MYBPC2: variants seen among roughly 807,000 people sequenced by gnomAD.
MYBPC2 encodes the protein myosin binding protein C2.
MYBPC2 carries 122 observed loss-of-function variants against 137.0 expected under a neutral mutation model. The ratio of observed to expected loss-of-function variants is 0.89; its 90% CI spans 0.77 to 1.03. The LOEUF (loss-of-function observed/expected upper bound fraction) is 1.03. MYBPC2 is among the 50% of genes least tolerant of loss of function. The pLI, the probability that MYBPC2 is intolerant of heterozygous loss-of-function variation, is 0.00. For missense variants in MYBPC2, 1,500 were observed against 1,534.4 expected (o/e 0.98, Z 0.37); for synonymous variants, 626 against 612.3 (o/e 1.02, Z -0.33).
In MYBPC2 at chr19:50,450,896, G is replaced by C; in HGVS notation, c.1540G>C (p.Gly514Arg). The C allele has an allele frequency of 6.3e-7, 1 of 1,577,930 alleles. No individual in the cohort carries two copies. The highest frequency in any genetic ancestry group is 8.6e-7 in the Non-Finnish European group (1 of 1,162,270). The change falls in exon 14 of 28, where the codon GGC becomes CGC. Residue 514 changes from glycine (G) to arginine (R), a missense_variant. Gly to Arg is a moderately radical substitution (Grantham distance 125). Coordinates refer to ENST00000357701, the MANE Select transcript of MYBPC2 (RefSeq NM_004533.4). The stretch of plus-strand genomic sequence containing the variant: ...GGGAGACTACACGTTTGTGCCTGAC[G>C]GCTACGCCCTGTCGCTCTCGGCCAA... ...DEGDYTFVPD[G>R]YALSLSAKLN...
At position 50,446,043 on chromosome 19, in the gene MYBPC2, A is replaced by C; in HGVS notation, c.1297A>C (p.Ile433Leu). 6.2e-7 allele frequency: 1 copy of C among 1,612,802 alleles called. No homozygotes were observed. The highest frequency in any genetic ancestry group is 2.2e-5 in the East Asian group (1 of 44,854). Residue 433 changes from isoleucine (I) to leucine (L), a missense_variant, in exon 12 of 28, where the codon ATT becomes CTT. Physicochemically the swap from Ile to Leu is conservative, Grantham distance 5. Coordinates refer to ENST00000357701, the MANE Select transcript of MYBPC2 (RefSeq NM_004533.4). ...TNGGQCEAELIVEEKQLEVLQ... is the reference protein window; with the variant it reads ...TNGGQCEAELLVEEKQLEVLQ... ...TGGCGGCCAGTGTGAGGCCGAGCTG[A>C]TTGTGGAAGGTATGGGGCCTCCAGG...
intron 12 of MYBPC2, among the ~76,000 whole-genome samples, chr19:50,447,147 G>A (rs1224018726): frequency 6.6e-6 from 1 of 151,886 alleles, no homozygotes; most frequent in Non-Finnish European, 1.5e-5. Flanking sequence ...CCCAGTACCC[G>A]CCAGAGTGAG....
At position 50,458,947 on chromosome 19, in the gene MYBPC2, C is replaced by T. The variant is rs1304563377; in HGVS notation, c.2536C>T (p.Leu846Phe). Residue 846 changes from leucine (L) to phenylalanine (F), a missense_variant, in exon 22 of 28, where the codon CTC becomes TTC. Leu to Phe is a conservative substitution (Grantham distance 22). Transcript: ENST00000357701. ...ACCCAAGATCCGGCTTCCCCGCCATCTCCGCCAGACCTACATCCGCAAAGT... is the reference window on the plus strand; with the variant it reads ...ACCCAAGATCCGGCTTCCCCGCCATTTCCGCCAGACCTACATCCGCAAAGT... ...EPPKIRLPRHLRQTYIRKVGE... is the reference protein window; with the variant it reads ...EPPKIRLPRHFRQTYIRKVGE... The T allele has an allele frequency of 1.4e-5, 23 of 1,612,784 alleles. No individual in the cohort carries two copies. The highest frequency in any genetic ancestry group is 1.9e-5 in the Non-Finnish European group (23 of 1,179,594).
intron 12 of MYBPC2, among the ~76,000 whole-genome samples, chr19:50,447,027 C>T (rs1050020723): frequency 9.9e-5 from 15 of 151,896 alleles, no homozygotes; most frequent in Admixed American, 3.3e-4. Context: ...CCACAGCCCC[C>T]CTGTTGCTGC....
intron 7 of MYBPC2, among the ~76,000 whole-genome samples, chr19:50,439,836 G>T (rs2039735119): frequency 6.6e-6 from 1 of 152,246 alleles, no homozygotes; most frequent in South Asian, 2.1e-4. Context: ...GCCTGTGAGA[G>T]CCCAGAGCAC....
Position 50,436,609 on chromosome 19 carries a change from G to T in MYBPC2, c.346-8G>T. 6.2e-7 allele frequency: 1 copy of T among 1,613,008 alleles called. No individual in the cohort carries two copies. Among genetic ancestry groups the T allele is most frequent in the South Asian group, 1.1e-5 (1 of 91,038 alleles). ...CCCGTGCACCCACACCCCCGGCCCTGGACCCAGGTGTACACCGTGGAGCTG... is the reference window on the plus strand; with the variant it reads ...CCCGTGCACCCACACCCCCGGCCCTTGACCCAGGTGTACACCGTGGAGCTG... On this transcript the variant is annotated splice_polypyrimidine_tract_variant and splice_region_variant and intron_variant, in intron 4 of 27. Coordinates refer to ENST00000357701, the MANE Select transcript of MYBPC2 (RefSeq NM_004533.4).
In MYBPC2 at chr19:50,454,247, C is replaced by T; in HGVS notation, c.1910-18C>T. 1 of 1,613,852 alleles carries T rather than the reference C, an allele frequency of 6.2e-7. No individual in the cohort carries two copies. Among genetic ancestry groups the T allele is most frequent in the African/African-American group, 1.3e-5 (1 of 75,018 alleles). On this transcript the variant is annotated intron_variant, in intron 17 of 27. Transcript: ENST00000357701. ...CCTGAGGCCTCGAGGGGCCACCTGA[C>T]TCTCCTGCCCCCTGCAGATGTCCCA... is the stretch of plus-strand genomic sequence containing the variant.
In MYBPC2 at chr19:50,435,221, C is replaced by T. The variant is rs780444483; in HGVS notation, c.80C>T (p.Pro27Leu). ...AAAGGAGCCCCCAAGGAGGCTCCCCCTAAGGAGGCTCCTGCAGAGGCCCCC... is the reference window on the plus strand; with the variant it reads ...AAAGGAGCCCCCAAGGAGGCTCCCCTTAAGGAGGCTCCTGCAGAGGCCCCC... ...APKGAPKEAP[P>L]KEAPAEAPKE... Residue 27 changes from proline to leucine, a missense_variant, in exon 2 of 28, where the codon CCT (proline) becomes CTT (leucine). By Grantham distance (98) the Pro-to-Leu change is moderately conservative. Transcript: ENST00000357701. This position sits in a 1 kb window ranked among gnomAD's most constrained non-coding sequence, Gnocchi z 4.8. 2.9e-5 allele frequency: 37 copies of T among 1,292,652 alleles called. 1 individual carries two copies. The African/African-American group carries it at 4.7e-4, about 16-fold the overall frequency. 80.1% of individuals were successfully genotyped at this position (1,292,652 alleles called of 1,614,324 possible). A position where few individuals can be genotyped will look rare whatever the true frequency, so the allele number is the denominator to read the frequency against.
Position 50,436,036 on chromosome 19 carries a change from A to G in MYBPC2, c.221A>G (p.Lys74Arg). The part of the protein sequence containing the change: ...ETGKDAVVVA[K>R]VNGKELPDKP... ...GGGAAGGACGCAGTGGTCGTGGCCA[A>G]GGTGAACGGGAAGGAGCTCCCAGAC... is the stretch of plus-strand genomic sequence containing the variant. The change falls in exon 4 of 28, where the codon AAG becomes AGG. Residue 74 changes from lysine to arginine, a missense_variant. Physicochemically the swap from Lys to Arg is conservative, Grantham distance 26. Coordinates refer to ENST00000357701, the MANE Select transcript of MYBPC2 (RefSeq NM_004533.4). 3 of 1,583,706 alleles carry G rather than the reference A, an allele frequency of 1.9e-6. No homozygotes were observed. The highest frequency in any genetic ancestry group is 2.6e-6 in the Non-Finnish European group (3 of 1,164,806).
Position 50,460,155 on chromosome 19 carries a change from C to T in MYBPC2, c.2907C>T (p.Val969=). ...DGNSEIMGYF[V]QKADKKTMEW... The stretch of plus-strand genomic sequence containing the variant: ...ACAGTGAGATCATGGGGTATTTCGT[C>T]CAGAAAGCAGACAAAAAAACCATGG... The change falls in exon 24 of 28, where the codon GTC becomes GTT. Residue 969 remains valine, a synonymous_variant. Transcript: ENST00000357701. 1 of 1,600,134 alleles carries T rather than the reference C, an allele frequency of 6.2e-7. No homozygotes were observed.
At chr19:50,437,823 C>A in intron 7 of MYBPC2, 105 bp downstream of exon 7, 1 of 1,248,336 alleles carries the variant, frequency 8.0e-7, no homozygotes, top group Non-Finnish European at 1.1e-6. Flanking sequence ...ACTGCTTATC[C>A]CTCTACCACC....
Position 50,437,650 on chromosome 19 carries a change from T to C in MYBPC2, c.513-9T>C. The C allele has an allele frequency of 6.2e-7, 1 of 1,602,346 alleles. No homozygotes were observed. Among genetic ancestry groups the C allele is most frequent in the East Asian group, 2.2e-5 (1 of 44,512 alleles). On this transcript the variant is annotated splice_polypyrimidine_tract_variant and intron_variant, in intron 6 of 27. Coordinates refer to ENST00000357701, the MANE Select transcript of MYBPC2 (RefSeq NM_004533.4). Reference sequence around the variant, plus strand: ...GGTCAAGACTCACATGCCCTCTCAATGGCCACAGGAGTGAAAAGAAGTCGG... The same window carrying C: ...GGTCAAGACTCACATGCCCTCTCAACGGCCACAGGAGTGAAAAGAAGTCGG...
chr19:50,444,191 C>A (rs1156924288), intron 11 of MYBPC2, among the ~76,000 whole-genome samples: 10 of 149,198 alleles, frequency 6.7e-5, no homozygotes, highest in African/African-American at 2.5e-4. Flanking sequence ...TCTGCTTAAC[C>A]ATCCATCCAC....
intron 8 of MYBPC2, among the ~76,000 whole-genome samples, chr19:50,441,283 A>G (rs779798245): frequency 1.3e-5 from 2 of 152,198 alleles, no homozygotes; most frequent in African/African-American, 2.4e-5. Context: ...TCCATAAGAC[A>G]TGCCCACCAG....
rs77627679 is a variant in MYBPC2 at position 50,436,019 on chromosome 19, C to G, written c.204C>G (p.Asp68Glu). 2 of 1,579,296 alleles carry G rather than the reference C, an allele frequency of 1.3e-6. No individual in the cohort carries two copies. The highest frequency in any genetic ancestry group is 2.3e-5 in the East Asian group (1 of 42,944). Reference protein sequence around the residue: ...PDSVSVETGKDAVVVAKVNGK... With the variant: ...PDSVSVETGKEAVVVAKVNGK... ...GTCACTCACCCCATGTAGGGAAGGA[C>G]GCAGTGGTCGTGGCCAAGGTGAACG... The change falls in exon 4 of 28, where the codon GAC (aspartate) becomes GAG (glutamate). Residue 68 changes from aspartate (D) to glutamate (E), a missense_variant. Physicochemically the swap from Asp to Glu is conservative, Grantham distance 45. Transcript: ENST00000357701.
intron 13 of MYBPC2, 61 bp from the exon 14 acceptor site, chr19:50,450,768 A>T (rs184526606): frequency 8.1e-7 from 1 of 1,231,490 alleles, no homozygotes; most frequent in African/African-American, 1.5e-5. Context: ...GAGGCGGTGC[A>T]GCCCCATAGT....
At position 50,458,745 on chromosome 19, in the gene MYBPC2, G is replaced by C. The variant is rs777728958; in HGVS notation, c.2497G>C (p.Glu833Gln). 1 of 1,607,838 alleles carries C rather than the reference G, an allele frequency of 6.2e-7. No individual in the cohort carries two copies. The highest frequency in any genetic ancestry group is 1.3e-5 in the African/African-American group (1 of 75,056). Residue 833 changes from glutamate (E) to glutamine (Q), a missense_variant, in exon 21 of 28, where the codon GAG (glutamate) becomes CAG (glutamine). Coordinates refer to ENST00000357701, the MANE Select transcript of MYBPC2 (RefSeq NM_004533.4). ...ATLAQPVTIR[E>Q]IAEPPKIRLP... The stretch of plus-strand genomic sequence containing the variant: ...CCTGGCCCAGCCGGTCACCATCAGG[G>C]AGATTGCGGGTGCGTGGCCCCTGAC...
chr19:50,453,412 G>C (rs1216503918), intron 16 of MYBPC2, among the ~76,000 whole-genome samples: 1 of 152,220 alleles, frequency 6.6e-6, no homozygotes, highest in Non-Finnish European at 1.5e-5. Flanking sequence ...TCCTGGAAGA[G>C]GTGTCTTCTG....
At chr19:50,444,607 G>A (rs1460539168) in intron 11 of MYBPC2, among the ~76,000 whole-genome samples, 4 of 152,218 alleles carry the variant, frequency 2.6e-5, no homozygotes, top group East Asian at 1.9e-4. Flanking sequence ...ATGGCCGGGC[G>A]CGGTGGCTCA....
Sources: gnomAD v4.1 joint callset for allele counts (sites outside exome capture counted in the v4.1 genomes callset) on GRCh38, gnomAD v4.1.1 for gene constraint, Gnocchi (gnomAD v3.1) non-coding constraint, MANE v1.5 for transcripts, NCBI Gene and HGNC (gene_info 2026-07-23, HGNC 2026-07-21) for gene names.